UNC13C: variants seen among roughly 807,000 people sequenced by gnomAD.
UNC13C encodes unc-13 homolog C.
Under a neutral mutation model 245.4 loss-of-function variants are expected in UNC13C, and 174 were observed. The observed-to-expected ratio is 0.71, with a 90% CI of 0.63 to 0.80. The LOEUF (loss-of-function observed/expected upper bound fraction) is 0.80. Ranked by LOEUF, UNC13C falls within the 30% of genes least tolerant of loss-of-function variation. UNC13C has a pLI of 0.00. For missense variants in UNC13C, 2,829 were observed against 2,602.9 expected (o/e 1.09, Z -1.89); for synonymous variants, 992 against 895.1 (o/e 1.11, Z -1.93).
At chr15:54,494,019 A>G (rs1320346585) in intron 19 of UNC13C, among the ~76,000 whole-genome samples, 2 of 152,084 alleles carry the variant, frequency 1.3e-5, no homozygotes. Context: ...TAAGTTAGAG[A>G]TATTTTCTCT....
intron 30 of UNC13C, among the ~76,000 whole-genome samples, chr15:54,595,463 G>A (rs1052901867): frequency 5.9e-5 from 9 of 152,074 alleles, no homozygotes; most frequent in Non-Finnish European, 1.2e-4. Flanking sequence ...TCCTTCAGGG[G>A]GTCTGTGGTT....
intron 14 of UNC13C, among the ~76,000 whole-genome samples, chr15:54,324,806 A>G (rs1349914398): frequency 6.6e-6 from 1 of 152,078 alleles, no homozygotes; most frequent in Non-Finnish European, 1.5e-5. Flanking sequence ...CAGTGAAGCA[A>G]TTGAGGTTGA....
At chr15:53,972,154 A>G in the UNC13C span, among the ~76,000 whole-genome samples, 1 of 152,190 alleles carries the variant, frequency 6.6e-6, no homozygotes, top group Non-Finnish European at 1.5e-5. Flanking sequence ...AGAGAGAAAA[A>G]ACGGCAAAGA....
chr15:54,269,454 G>C (rs948210040), intron 10 of UNC13C, among the ~76,000 whole-genome samples: 1 of 151,966 alleles, frequency 6.6e-6, no homozygotes. Context: ...AAAATTTCTA[G>C]AAATATTGAT....
intron 17 of UNC13C, among the ~76,000 whole-genome samples, chr15:54,379,329 AG>A (rs763895785): frequency 2.0e-5 from 3 of 152,082 alleles, no homozygotes; most frequent in Non-Finnish European, 4.4e-5. Flanking sequence ...GAAATTCATC[AG>A]GTCTGAAGGT....
At chr15:54,180,330 T>C (rs968468831) in intron 4 of UNC13C, among the ~76,000 whole-genome samples, 2 of 152,076 alleles carry the variant, frequency 1.3e-5, no homozygotes, top group Non-Finnish European at 2.9e-5. Flanking sequence ...ACAAAGGACA[T>C]GATTTCATTC....
the UNC13C span, among the ~76,000 whole-genome samples, chr15:53,915,231 A>C: frequency 1.3e-5 from 2 of 152,250 alleles, no homozygotes; most frequent in Non-Finnish European, 2.9e-5. Context: ...GTTTAAAAAA[A>C]TATGTCCTAT....
chr15:54,328,469 A>G (rs912414169), intron 14 of UNC13C, among the ~76,000 whole-genome samples: 2 of 152,098 alleles, frequency 1.3e-5, no homozygotes, highest in Non-Finnish European at 2.9e-5. Context: ...CTAAGATAGC[A>G]TGAATACATA....
chr15:54,556,266 A>G (rs935908037), intron 29 of UNC13C, among the ~76,000 whole-genome samples: 13 of 152,116 alleles, frequency 8.5e-5, no homozygotes, highest in African/African-American at 2.9e-4. Context: ...TGTGAATAGC[A>G]TAGCTACTAA....
chr15:53,964,879 G>A, the UNC13C span, among the ~76,000 whole-genome samples: 1 of 152,084 alleles, frequency 6.6e-6, no homozygotes, highest in Admixed American at 6.6e-5. Flanking sequence ...AGCACATCTC[G>A]AAGCCACGTT....
chr15:53,973,070 A>G, the UNC13C span, among the ~76,000 whole-genome samples: 1 of 152,176 alleles, frequency 6.6e-6, no homozygotes, highest in Non-Finnish European at 1.5e-5. Context: ...AAAGAAATAG[A>G]CATATTGAAC....
chr15:54,180,154 C>A (rs1364170780), intron 4 of UNC13C, among the ~76,000 whole-genome samples: 1 of 151,986 alleles, frequency 6.6e-6, no homozygotes, highest in African/African-American at 2.4e-5. Context: ...ACCTTTGCCT[C>A]TTCTCTTCTC....
At chr15:54,620,371 C>T (rs1372534352) in intron 30 of UNC13C, among the ~76,000 whole-genome samples, 1 of 152,144 alleles carries the variant, frequency 6.6e-6, no homozygotes, top group East Asian at 1.9e-4. Flanking sequence ...AGGTTTTAGG[C>T]ACATTTCCTT....
intron 2 of UNC13C, among the ~76,000 whole-genome samples, chr15:54,133,975 T>C (rs1312201711): frequency 2.0e-5 from 3 of 152,138 alleles, no homozygotes; most frequent in Non-Finnish European, 4.4e-5. Context: ...AATATAATGA[T>C]TTGATATTCA....
chr15:54,349,234 C>G (rs2038927178), intron 17 of UNC13C, among the ~76,000 whole-genome samples: 1 of 150,638 alleles, frequency 6.6e-6, no homozygotes, highest in South Asian at 2.1e-4. Flanking sequence ...TTACTTGTAA[C>G]AAGAAATTGT....
At chr15:53,879,443 G>T in the UNC13C span, among the ~76,000 whole-genome samples, 2 of 152,166 alleles carry the variant, frequency 1.3e-5, no homozygotes, top group South Asian at 4.1e-4. Context: ...GATTATAGGG[G>T]TGAGCTACTA....
At chr15:54,020,647 A>G (rs968220387) in intron 2 of UNC13C, among the ~76,000 whole-genome samples, 1 of 152,028 alleles carries the variant, frequency 6.6e-6, no homozygotes, top group African/African-American at 2.4e-5. Flanking sequence ...AGATTATTAC[A>G]TTTTGTGAAA....
intron 2 of UNC13C, chr15:54,050,559 C>A: frequency 2.2e-6 from 1 of 447,084 alleles, no homozygotes. Flanking sequence ...CAAGTATTCT[C>A]CAGAGTGAGC....
At chr15:54,202,875 C>T (rs145308636) in intron 4 of UNC13C, among the ~76,000 whole-genome samples, 150 of 152,032 alleles carry the variant, frequency 9.9e-4, no homozygotes, top group African/African-American at 2.9e-3. Context: ...GCAGAGTTAA[C>T]AGACCATCAA....
Sources: allele counts gnomAD v4.1 joint callset (sites outside exome capture counted in the v4.1 genomes callset), GRCh38; gene constraint gnomAD v4.1.1; transcripts MANE v1.5; gene names NCBI Gene and HGNC (gene_info 2026-07-23, HGNC 2026-07-21).